Variants in COBL observed in about 807,000 individuals in gnomAD.
The protein encoded by COBL is protein cordon-bleu.
A neutral mutation model predicts 98.8 loss-of-function variants in COBL; 51 were observed. That is an observed-to-expected ratio of 0.52 (90% CI 0.41 to 0.65). COBL has a LOEUF of 0.65. COBL is among the 30% of genes least tolerant of loss of function. COBL has a pLI of 0.00. For missense variants in COBL, 1,617 were observed against 1,617.5 expected (o/e 1.00, Z 0.01); for synonymous variants, 634 against 651.7 (o/e 0.97, Z 0.41).
At chr7:51,138,124 T>C (rs1188145499) in intron 5 of COBL, among the ~76,000 whole-genome samples, 1 of 152,176 alleles carries the variant, frequency 6.6e-6, no homozygotes, top group Non-Finnish European at 1.5e-5. Context: ...ACACTGAATA[T>C]CAACGATGCC....
At chr7:51,152,369 C>A (rs1216785363) in intron 5 of COBL, among the ~76,000 whole-genome samples, 2 of 152,170 alleles carry the variant, frequency 1.3e-5, no homozygotes, top group Non-Finnish European at 1.5e-5. Flanking sequence ...GAATCCCACT[C>A]CAGTCAAATT....
In COBL at chr7:51,026,617, C is replaced by T. The variant is rs1176992794; in HGVS notation, c.3433G>A (p.Glu1145Lys). 14 of 1,614,162 alleles carry T rather than the reference C, an allele frequency of 8.7e-6. No homozygotes were observed. The highest frequency in any genetic ancestry group is 9.3e-6 in the Non-Finnish European group (11 of 1,180,026). ...EGRPAKLSYT[E>K]AEGERSALLA... ...AGTGCAGATCGTTCGCCCTCTGCCT[C>T]CGTGTAGGACAGTTTCGCTGGCCTG... The change falls in exon 11 of 13, where the codon GAG (glutamate) becomes AAG (lysine). Residue 1145 changes from glutamate (E) to lysine (K), a missense_variant. Coordinates refer to ENST00000265136, the MANE Select transcript of COBL (RefSeq NM_015198.5).
rs1326906388 is a variant in COBL at position 51,134,296 on chromosome 7, G to A, written c.957+1862C>T. 3.3e-5 allele frequency among the ~76,000 whole-genome samples: 5 copies of A among 152,308 alleles called. No individual in the cohort carries two copies. In the East Asian group the frequency reaches 5.8e-4, roughly 18 times the overall value. ...GCTTAAAAAGGAAGATGGTTTCCAT[G>A]AGCCAATTTCTCCACGCATTCTGTG... On this transcript the variant is annotated intron_variant, in intron 6 of 12. Transcript: ENST00000265136.
At chr7:51,307,382 A>AC (rs71021768) in intron 1 of COBL, among the ~76,000 whole-genome samples, 8 of 151,950 alleles carry the variant, frequency 5.3e-5, no homozygotes, top group East Asian at 1.9e-4. Context: ...AAAAACAAAA[A>AC]AAGGAGAGGA....
intron 5 of COBL, among the ~76,000 whole-genome samples, chr7:51,172,950 A>C (rs1350176364): frequency 6.6e-6 from 1 of 151,580 alleles, no homozygotes; most frequent in Non-Finnish European, 1.5e-5. Flanking sequence ...CACCACACCC[A>C]GCTAATTTTT....
intron 1 of COBL, among the ~76,000 whole-genome samples, chr7:51,315,210 G>A (rs1584480607): frequency 6.6e-6 from 1 of 150,594 alleles, no homozygotes; most frequent in East Asian, 1.9e-4. Flanking sequence ...TTCTTTCTGG[G>A]GAATTTGTTT....
At chr7:51,167,400 T>C (rs1455794528) in intron 5 of COBL, among the ~76,000 whole-genome samples, 2 of 152,058 alleles carry the variant, frequency 1.3e-5, no homozygotes, top group African/African-American at 4.8e-5. Flanking sequence ...GTGAAAGATC[T>C]CTATAATTTA....
intron 1 of COBL, among the ~76,000 whole-genome samples, chr7:51,278,262 G>A (rs965896773): frequency 6.6e-6 from 1 of 152,064 alleles, no homozygotes; most frequent in South Asian, 2.1e-4. Flanking sequence ...CCGTCCCAAG[G>A]AAGAGCATGC....
chr7:51,108,980 G>GA (rs1431854052), intron 6 of COBL, among the ~76,000 whole-genome samples: 1 of 142,068 alleles, frequency 7.0e-6, no homozygotes, highest in Non-Finnish European at 1.6e-5. Context: ...GAAGTTTACT[G>GA]AAAGAACTGG....
At chr7:51,290,519 AC>A (rs1340600231) in intron 1 of COBL, among the ~76,000 whole-genome samples, 1 of 152,112 alleles carries the variant, frequency 6.6e-6, no homozygotes, top group Non-Finnish European at 1.5e-5. Context: ...AAGTTAGTTT[AC>A]CCCTAAATAA....
intron 7 of COBL, among the ~76,000 whole-genome samples, chr7:51,066,691 G>A (rs1007746221): frequency 7.9e-5 from 12 of 152,072 alleles, no homozygotes; most frequent in Admixed American, 3.9e-4. Context: ...TTCCTGCCCC[G>A]ACCCCGCTGG....
At chr7:51,123,137 A>G (rs578199268) in intron 6 of COBL, among the ~76,000 whole-genome samples, 392 of 152,352 alleles carry the variant, frequency 2.6e-3, no homozygotes, top group African/African-American at 9.1e-3. Context: ...AGACAGACAG[A>G]TTTTTGGAAG....
Position 51,049,893 on chromosome 7 carries a change from C to G in COBL, c.1097-6201G>C, listed in dbSNP as rs80105898. 3.5e-3 allele frequency among the ~76,000 whole-genome samples: 532 copies of G among 152,314 alleles called. 2 individuals are homozygous for G. Among genetic ancestry groups the G allele is most frequent in the African/African-American group, 0.012 (489 of 41,564 alleles). Reference sequence around the variant, plus strand: ...CCACCAGCATTATATAGATTCTGCTCTGAGTAGGCACCTCAAACTTTGTTC... The same window carrying G: ...CCACCAGCATTATATAGATTCTGCTGTGAGTAGGCACCTCAAACTTTGTTC... On this transcript the variant is annotated intron_variant, in intron 7 of 12. Transcript: ENST00000265136.
intron 1 of COBL, among the ~76,000 whole-genome samples, chr7:51,301,911 T>G (rs1802005092): frequency 6.6e-6 from 1 of 152,222 alleles, no homozygotes; most frequent in Non-Finnish European, 1.5e-5. Context: ...TTACATTTTA[T>G]CTAGTTTTCA....
At chr7:51,089,324 G>T (rs962936152) in intron 6 of COBL, among the ~76,000 whole-genome samples, 1 of 151,998 alleles carries the variant, frequency 6.6e-6, no homozygotes, top group Non-Finnish European at 1.5e-5. Flanking sequence ...AGACCAGCCT[G>T]GTCAACATGG....
chr7:51,123,011 A>T (rs1258500677), intron 6 of COBL, among the ~76,000 whole-genome samples: 1 of 152,038 alleles, frequency 6.6e-6, no homozygotes, highest in Non-Finnish European at 1.5e-5. Flanking sequence ...GAATGACATA[A>T]TTATTTTTGT....
At chr7:51,148,938 A>G (rs1352028008) in intron 5 of COBL, among the ~76,000 whole-genome samples, 7 of 152,174 alleles carry the variant, frequency 4.6e-5, no homozygotes, top group African/African-American at 7.2e-5. Flanking sequence ...CCACAAAAAA[A>G]TCTCTTATCT....
At chr7:51,143,638 G>T (rs1445111765) in intron 5 of COBL, among the ~76,000 whole-genome samples, 1 of 152,138 alleles carries the variant, frequency 6.6e-6, no homozygotes, top group Non-Finnish European at 1.5e-5. Context: ...ACCACTACAG[G>T]ACACAGAAAC....
At chr7:51,302,632 C>G (rs1802086049) in intron 1 of COBL, among the ~76,000 whole-genome samples, 1 of 150,464 alleles carries the variant, frequency 6.6e-6, no homozygotes, top group African/African-American at 2.4e-5. Context: ...TGTGGTCGCT[C>G]AGGCCTGTAA....
Sources: gnomAD v4.1 joint callset for allele counts (sites outside exome capture counted in the v4.1 genomes callset) on GRCh38, gnomAD v4.1.1 for gene constraint, MANE v1.5 for transcripts, NCBI Gene and HGNC (gene_info 2026-07-23, HGNC 2026-07-21) for gene names.